Variants in IQSEC1 observed in about 807,000 individuals in gnomAD.
IQSEC1 encodes IQ motif and Sec7 domain ArfGEF 1.
Under a neutral mutation model 91.0 loss-of-function variants are expected in IQSEC1, and 31 were observed. The observed-to-expected ratio is 0.34, with a 90% CI of 0.26 to 0.46. IQSEC1 has a LOEUF of 0.46. IQSEC1 is among the 20% of genes least tolerant of loss of function. The probability of loss-of-function intolerance (pLI) is 1.00; values close to 1 mark genes in which losing one functional copy is unlikely to be tolerated. For missense variants in IQSEC1, 1,388 were observed against 1,575.6 expected (o/e 0.88, Z 2.02); for synonymous variants, 699 against 662.6 (o/e 1.05, Z -0.84).
chr3:13,130,358 A>G (rs1461335343), intron 2 of IQSEC1, among the ~76,000 whole-genome samples: 1 of 150,460 alleles, frequency 6.6e-6, no homozygotes, highest in Non-Finnish European at 1.5e-5. Context: ...AAAAAAAAAA[A>G]AAAAGAAAGA....
At position 12,909,567 on chromosome 3, in the gene IQSEC1, C is replaced by T. The variant is rs1417074254; in HGVS notation, c.2417-133G>A. The T allele has an allele frequency of 4.6e-5, 39 of 846,346 alleles. No homozygotes were observed. In the East Asian group the frequency reaches 5.1e-4, roughly 11 times the overall value. 52.4% of individuals were successfully genotyped at this position (846,346 alleles called of 1,614,324 possible). A position where few individuals can be genotyped will look rare whatever the true frequency, so the allele number is the denominator to read the frequency against. ...GGATAAGTGCCGGGAGTCCAGCCTC[C>T]GCAGTGGCAGGCTGCAGGGGTGCAG... On this transcript the variant is annotated intron_variant, in intron 10 of 13. Coordinates refer to ENST00000613206, the MANE Select transcript of IQSEC1 (RefSeq NM_001134382.3). The surrounding 1 kb of genome is among the most constrained non-coding windows in gnomAD (Gnocchi z 4.9).
intron 1 of IQSEC1, among the ~76,000 whole-genome samples, chr3:13,064,518 A>T (rs1174148971): frequency 6.6e-6 from 1 of 152,234 alleles, no homozygotes; most frequent in African/African-American, 2.4e-5. Flanking sequence ...TGGTCGTGTG[A>T]CAGCGACCAC....
intron 1 of IQSEC1, among the ~76,000 whole-genome samples, chr3:13,041,418 A>T (rs1478835157): frequency 6.6e-6 from 1 of 152,188 alleles, no homozygotes; most frequent in Non-Finnish European, 1.5e-5. Flanking sequence ...ACTGGAAGGA[A>T]GAAGAAAAGC....
intron 1 of IQSEC1, among the ~76,000 whole-genome samples, chr3:13,196,173 G>A (rs535039280): frequency 9.8e-5 from 15 of 152,296 alleles, no homozygotes; most frequent in Non-Finnish European, 1.6e-4. Flanking sequence ...CAGTTTACGT[G>A]GGGAAGCCTG....
chr3:13,120,569 G>A (rs76757694), intron 2 of IQSEC1, among the ~76,000 whole-genome samples: 1,671 of 152,310 alleles, frequency 0.011, 24 homozygotes, highest in African/African-American at 0.038. Flanking sequence ...AGGAGGAGCT[G>A]CTCACAGTCT....
intron 10 of IQSEC1, among the ~76,000 whole-genome samples, chr3:12,910,949 G>A (rs2125087576): frequency 6.6e-6 from 1 of 152,328 alleles, no homozygotes; most frequent in South Asian, 2.1e-4. Context: ...AGGGACAAAG[G>A]AGGGGGAAGA....
At chr3:13,024,289 C>T (rs1191973984) in intron 1 of IQSEC1, among the ~76,000 whole-genome samples, 1 of 152,164 alleles carries the variant, frequency 6.6e-6, no homozygotes, top group Non-Finnish European at 1.5e-5. Context: ...CTATCATCTT[C>T]CTTCCTATCA....
intron 1 of IQSEC1, among the ~76,000 whole-genome samples, chr3:12,998,646 A>C: frequency 6.6e-6 from 1 of 152,102 alleles, no homozygotes; most frequent in Non-Finnish European, 1.5e-5. Flanking sequence ...AAATAAAAAT[A>C]AAAATCTGGA....
chr3:13,100,248 C>T (rs1246868440), intron 2 of IQSEC1, among the ~76,000 whole-genome samples: 1 of 147,902 alleles, frequency 6.8e-6, no homozygotes, highest in Admixed American at 6.7e-5. Flanking sequence ...CCATGGTCCT[C>T]CCTCCAAAAC....
At chr3:13,236,970 G>A (rs947460614) in intron 1 of IQSEC1, among the ~76,000 whole-genome samples, 50 of 152,218 alleles carry the variant, frequency 3.3e-4, no homozygotes, top group African/African-American at 1.2e-3. Flanking sequence ...GGCGCACTGG[G>A]TGGCCCCACA....
intron 5 of IQSEC1, among the ~76,000 whole-genome samples, chr3:12,920,873 A>G (rs932755587): frequency 6.6e-6 from 1 of 152,142 alleles, no homozygotes; most frequent in African/African-American, 2.4e-5. Context: ...CACCACATTC[A>G]GCCCATGGGA....
Position 12,901,478 on chromosome 3 carries a change from T to C in IQSEC1, c.2850A>G (p.Ser950=). 6.5e-7 allele frequency: 1 copy of C among 1,549,804 alleles called. No homozygotes were observed. The highest frequency in any genetic ancestry group is 2.4e-5 in the East Asian group (1 of 40,906). The change falls in exon 14 of 14, where the codon TCA becomes TCG. Residue 950 remains serine (S), a synonymous_variant. Transcript: ENST00000613206. The part of the protein sequence containing the change: ...SSPHMRRRAT[S]TRECPSRPHQ... ...GTGGGCGAGATGGACACTCTCGTGT[T>C]GATGTAGCTCTCCGGCGCATGTGAG...
chr3:13,267,625 T>C (rs1271857463), intron 1 of IQSEC1, among the ~76,000 whole-genome samples: 2 of 150,506 alleles, frequency 1.3e-5, no homozygotes, highest in Non-Finnish European at 3.0e-5. Flanking sequence ...CTTTTTCTTT[T>C]TTTTTTTTTT....
chr3:13,099,453 T>A (rs1706021222), intron 2 of IQSEC1, among the ~76,000 whole-genome samples: 1 of 152,202 alleles, frequency 6.6e-6, no homozygotes, highest in Admixed American at 6.5e-5. Context: ...AAGGTGGTGC[T>A]GCTCAGGGCT....
chr3:13,208,887 G>T (rs1694393916), intron 1 of IQSEC1, among the ~76,000 whole-genome samples: 1 of 152,160 alleles, frequency 6.6e-6, no homozygotes, highest in Non-Finnish European at 1.5e-5. Flanking sequence ...CCCCGGGATG[G>T]GGAGGCCACG....
Position 12,900,959 on chromosome 3 carries a change from G to T in IQSEC1, c.*24C>A. 6.5e-7 allele frequency: 1 copy of T among 1,541,432 alleles called. No individual in the cohort carries two copies. Among genetic ancestry groups the T allele is most frequent in the Non-Finnish European group, 8.7e-7 (1 of 1,146,780 alleles). On this transcript the variant is annotated 3_prime_UTR_variant, in exon 14 of 14. Coordinates refer to ENST00000613206, the MANE Select transcript of IQSEC1 (RefSeq NM_001134382.3). ...GTGTGGTGTGCAGGTGTTTCAGGGA[G>T]CCTGGGACCCCTACCCAGGCTGTCT...
intron 1 of IQSEC1, among the ~76,000 whole-genome samples, chr3:13,256,457 A>G (rs1695287006): frequency 6.6e-6 from 1 of 152,242 alleles, no homozygotes; most frequent in Non-Finnish European, 1.5e-5. Context: ...GCAAGTACCA[A>G]CTGTGGTTAT....
chr3:13,161,306 C>CGGGGGA (rs1395962077), intron 2 of IQSEC1, among the ~76,000 whole-genome samples: 5 of 151,922 alleles, frequency 3.3e-5, no homozygotes, highest in African/African-American at 1.2e-4. Context: ...GGAGGAGAAG[C>CGGGGGA]GGGGGAGGGC....
rs558986708 is a variant in IQSEC1, at chr3:12,946,045, CTA to C, written c.24-4182_24-4181del. On this transcript the variant is annotated intron_variant, in intron 1 of 13. Transcript: ENST00000613206. Reference sequence around the variant, plus strand: ...TCTTCCTGGGGCAGGAAGAACTATCCTATGTCAACCTTTCCCTTTCTAGGGCA... The same window carrying C: ...TCTTCCTGGGGCAGGAAGAACTATCCTGTCAACCTTTCCCTTTCTAGGGCA... Among the ~76,000 whole-genome samples the C allele has an allele frequency of 5.3e-5, 8 of 152,334 alleles. No individual in the cohort carries two copies. The South Asian group carries it at 1.7e-3, about 32-fold the overall frequency.
Sources: gnomAD v4.1 joint callset for allele counts (sites outside exome capture counted in the v4.1 genomes callset) on GRCh38, gnomAD v4.1.1 for gene constraint, Gnocchi (gnomAD v3.1) non-coding constraint, MANE v1.5 for transcripts, NCBI Gene and HGNC (gene_info 2026-07-23, HGNC 2026-07-21) for gene names.